LRRTM4: variants seen among roughly 807,000 people sequenced by gnomAD.
LRRTM4 encodes leucine rich repeat transmembrane neuronal 4, also known as leucine-rich repeat transmembrane neuronal protein 4.
In LRRTM4, 25 loss-of-function variants were observed where a neutral mutation model predicts 47.6. That is an observed-to-expected ratio of 0.53 (90% CI 0.38 to 0.73). The LOEUF is 0.73. Ranked by LOEUF, LRRTM4 falls within the 30% of genes least tolerant of loss-of-function variation. The pLI is 0.00. For synonymous variants in LRRTM4, 311 were observed against 269.5 expected (o/e 1.15, Z -1.51); for missense variants, 638 against 713.4 (o/e 0.89, Z 1.20).
At chr2:76,886,077 T>C (rs1219479287) in intron 3 of LRRTM4, among the ~76,000 whole-genome samples, 1 of 152,190 alleles carries the variant, frequency 6.6e-6, no homozygotes, top group Non-Finnish European at 1.5e-5. Context: ...AGCTGAAAGA[T>C]ATTTGCGAAA....
intron 3 of LRRTM4, among the ~76,000 whole-genome samples, chr2:77,130,824 ATTTTTTTTTT>A (rs768577274): frequency 3.4e-4 from 12 of 35,634 alleles, no homozygotes; most frequent in East Asian, 1.1e-3. Context: ...TATTTGTTCT[ATTTTTTTTTT>A]TTTTTTTTTT....
chr2:77,108,858 C>A (rs1254271796), intron 3 of LRRTM4, among the ~76,000 whole-genome samples: 2 of 151,504 alleles, frequency 1.3e-5, no homozygotes, highest in African/African-American at 4.8e-5. Flanking sequence ...GACAAACATT[C>A]TTTATACATA....
In LRRTM4 at chr2:77,444,977, G is replaced by GAA. The variant is rs59871120; in HGVS notation, c.1551+73339_1551+73340dup. On this transcript the variant is annotated intron_variant, in intron 3 of 3. Transcript: ENST00000409884. ...CACACACACACACACACACGATCCG[G>GAA]AAAAAAAAAAAAACACTAAATTAGA... is the stretch of plus-strand genomic sequence containing the variant. 6.0e-3 allele frequency among the ~76,000 whole-genome samples: 830 copies of GAA among 137,198 alleles called. 4 individuals are homozygous for GAA. Among genetic ancestry groups the GAA allele is most frequent in the African/African-American group, 0.022 (809 of 36,972 alleles). The allele number at this position is 137,198 out of a possible 152,430, so 90.0% of individuals were successfully genotyped here.
intron 3 of LRRTM4, among the ~76,000 whole-genome samples, chr2:77,149,875 G>C (rs1672368709): frequency 1.3e-5 from 2 of 152,086 alleles, no homozygotes; most frequent in African/African-American, 4.8e-5. Flanking sequence ...CTCTGATAGA[G>C]CTCTCTCCTT....
intron 3 of LRRTM4, among the ~76,000 whole-genome samples, chr2:77,184,188 AT>A (rs1673435819): frequency 6.6e-6 from 1 of 152,138 alleles, no homozygotes; most frequent in South Asian, 2.1e-4. Flanking sequence ...TTTCAACAAT[AT>A]TTTTAATGAA....
intron 3 of LRRTM4, among the ~76,000 whole-genome samples, chr2:77,273,835 C>G (rs1676269112): frequency 6.6e-6 from 1 of 152,106 alleles, no homozygotes; most frequent in Non-Finnish European, 1.5e-5. Flanking sequence ...TATTGATTGA[C>G]TTTACAAAAC....
chr2:76,872,002 G>T (rs1672637239), intron 3 of LRRTM4, among the ~76,000 whole-genome samples: 1 of 152,142 alleles, frequency 6.6e-6, no homozygotes, highest in Non-Finnish European at 1.5e-5. Flanking sequence ...AGCCTTGTGG[G>T]GAACCCGAGG....
chr2:77,348,374 C>T (rs150876311), intron 3 of LRRTM4, among the ~76,000 whole-genome samples: 1,571 of 150,982 alleles, frequency 0.01, 17 homozygotes, highest in Non-Finnish European at 0.016. Flanking sequence ...TACCCTGTAT[C>T]GTGCTCCATT....
chr2:77,500,268 A>G (rs1248297365), intron 3 of LRRTM4, among the ~76,000 whole-genome samples: 3 of 151,786 alleles, frequency 2.0e-5, no homozygotes, highest in Non-Finnish European at 4.4e-5. Flanking sequence ...TTCCTAATTA[A>G]TCAACATCAT....
At chr2:76,791,021 G>A (rs1674943222) in intron 3 of LRRTM4, among the ~76,000 whole-genome samples, 1 of 152,140 alleles carries the variant, frequency 6.6e-6, no homozygotes, top group Admixed American at 6.5e-5. Flanking sequence ...CTAGGATGAT[G>A]GTTACAATGA....
chr2:77,457,733 G>T (rs187033271), intron 3 of LRRTM4, among the ~76,000 whole-genome samples: 5 of 151,910 alleles, frequency 3.3e-5, no homozygotes, highest in African/African-American at 1.2e-4. Context: ...ATACAATTTG[G>T]TTCTGTCCCT....
chr2:76,892,575 A>C (rs1458698173), intron 3 of LRRTM4, among the ~76,000 whole-genome samples: 1 of 151,696 alleles, frequency 6.6e-6, no homozygotes, highest in Non-Finnish European at 1.5e-5. Context: ...CAAAGACAGT[A>C]ATATGTATCA....
chr2:77,519,130 C>T lies in LRRTM4; in HGVS notation c.739G>A (p.Gly247Ser). 6.2e-7 allele frequency: 1 copy of T among 1,613,078 alleles called. No individual in the cohort carries two copies. Among genetic ancestry groups the T allele is most frequent in the Non-Finnish European group, 8.5e-7 (1 of 1,179,498 alleles). ...AAGGAACTCCAAGTCCATGTCAAAC[C>T]TTGGCTAATGGAGCGAATCCTGTTC... ...QWNRIRSISQ[G>S]LTWTWSSLHN... Residue 247 changes from glycine to serine, a missense_variant, in exon 3 of 4, where the codon GGT becomes AGT. Gly to Ser is a moderately conservative substitution (Grantham distance 56). Transcript: ENST00000409884. The surrounding 1 kb of genome is among the most constrained non-coding windows in gnomAD (Gnocchi z 4.6).
intron 3 of LRRTM4, among the ~76,000 whole-genome samples, chr2:77,282,711 T>C (rs1460607026): frequency 2.0e-5 from 3 of 151,932 alleles, no homozygotes; most frequent in Non-Finnish European, 4.4e-5. Flanking sequence ...CCATCTAATT[T>C]TTTACAAAGT....
chr2:76,877,237 A>T (rs1467611095), intron 3 of LRRTM4, among the ~76,000 whole-genome samples: 2 of 152,116 alleles, frequency 1.3e-5, no homozygotes, highest in African/African-American at 2.4e-5. Context: ...GTCCAATAAA[A>T]AGTTGGTTGA....
At chr2:76,802,406 T>A (rs1675747697) in intron 3 of LRRTM4, among the ~76,000 whole-genome samples, 1 of 152,102 alleles carries the variant, frequency 6.6e-6, no homozygotes, top group Non-Finnish European at 1.5e-5. Flanking sequence ...GGAAAAAATT[T>A]AACCAGTGAG....
chr2:77,017,931 T>G (rs961220624), intron 3 of LRRTM4, among the ~76,000 whole-genome samples: 3 of 151,926 alleles, frequency 2.0e-5, no homozygotes, highest in Non-Finnish European at 4.4e-5. Context: ...TCAAACGAGA[T>G]AAGATGTGAA....
At chr2:76,786,175 GA>G (rs1674659526) in intron 3 of LRRTM4, among the ~76,000 whole-genome samples, 1 of 151,998 alleles carries the variant, frequency 6.6e-6, no homozygotes, top group East Asian at 1.9e-4. Flanking sequence ...TCCATTCATA[GA>G]GCAATTTATA....
chr2:76,974,173 CATAT>C (rs373130989), intron 3 of LRRTM4, among the ~76,000 whole-genome samples: 1 of 130,344 alleles, frequency 7.7e-6, no homozygotes, highest in Admixed American at 8.1e-5. Context: ...TATATACATA[CATAT>C]ATATACATAC....
Sources: gnomAD v4.1 joint callset for allele counts (sites outside exome capture counted in the v4.1 genomes callset) on GRCh38, gnomAD v4.1.1 for gene constraint, Gnocchi (gnomAD v3.1) non-coding constraint, MANE v1.5 for transcripts, NCBI Gene and HGNC (gene_info 2026-07-23, HGNC 2026-07-21) for gene names.